CNTN4: variants seen among roughly 807,000 people sequenced by gnomAD.
CNTN4 encodes contactin-4.
Under a neutral mutation model 122.5 loss-of-function variants are expected in CNTN4, and 77 were observed. That is an observed-to-expected ratio of 0.63 (90% CI 0.52 to 0.76). The LOEUF is 0.76. Among genes scored for constraint, CNTN4 ranks in the 30% least tolerant of loss-of-function variants. The pLI is 0.00. For synonymous variants in CNTN4, 512 were observed against 447.0 expected, an observed-to-expected ratio of 1.15 and a Z score of -1.83; for missense variants, 1,256 against 1,259.1, an observed-to-expected ratio of 1.00 and a Z score of 0.04.
intron 15 of CNTN4, among the ~76,000 whole-genome samples, chr3:3,027,914 A>T (rs148268329): frequency 6.6e-6 from 1 of 152,164 alleles, no homozygotes; most frequent in Non-Finnish European, 1.5e-5. Context: ...TTCATCTTTC[A>T]TATGGAAAAT....
Position 2,801,524 on chromosome 3 carries a change from A to G in CNTN4, c.359-17962A>G, listed in dbSNP as rs1234239576. 3.9e-5 allele frequency among the ~76,000 whole-genome samples: 6 copies of G among 152,318 alleles called. No individual in the cohort carries two copies. The South Asian group carries it at 1.0e-3, about 26-fold the overall frequency. ...CAATTAAATAAGATAATTTTTCCCTATTATGCATCTTGGTAAAATAATGAA... is the reference window on the plus strand; with the variant it reads ...CAATTAAATAAGATAATTTTTCCCTGTTATGCATCTTGGTAAAATAATGAA... On this transcript the variant is annotated intron_variant, in intron 6 of 24. Transcript: ENST00000418658.
intron 4 of CNTN4, among the ~76,000 whole-genome samples, chr3:2,643,504 T>C (rs1342809489): frequency 1.3e-5 from 2 of 152,152 alleles, no homozygotes; most frequent in Non-Finnish European, 2.9e-5. Flanking sequence ...TTCACTAGTC[T>C]AGTGACTTGT....
At chr3:2,601,480 T>C (rs1479043911) in intron 4 of CNTN4, among the ~76,000 whole-genome samples, 1 of 152,210 alleles carries the variant, frequency 6.6e-6, no homozygotes, top group Non-Finnish European at 1.5e-5. Flanking sequence ...TTCCTTGTTT[T>C]TGTCAGGTTT....
intron 7 of CNTN4, among the ~76,000 whole-genome samples, chr3:2,852,224 G>A (rs1402918840): frequency 1.3e-5 from 2 of 152,134 alleles, no homozygotes; most frequent in Admixed American, 1.3e-4. Flanking sequence ...AAGTTTTAAT[G>A]AGTCACCTTT....
intron 2 of CNTN4, among the ~76,000 whole-genome samples, chr3:2,234,784 C>T (rs2039620001): frequency 1.3e-5 from 2 of 152,076 alleles, no homozygotes; most frequent in South Asian, 4.1e-4. Flanking sequence ...TTTTTCTCTT[C>T]TCTTTTTCTC....
chr3:2,415,305 G>A (rs2047373719), intron 3 of CNTN4, among the ~76,000 whole-genome samples: 1 of 152,094 alleles, frequency 6.6e-6, no homozygotes, highest in Admixed American at 6.6e-5. Context: ...GTTTGTAAAG[G>A]GCCCCATAAT....
chr3:2,627,773 G>T (rs544661577), intron 4 of CNTN4, among the ~76,000 whole-genome samples: 28 of 152,234 alleles, frequency 1.8e-4, no homozygotes, highest in African/African-American at 3.1e-4. Flanking sequence ...GATTACAGGC[G>T]TGAGCCACCG....
At chr3:2,583,360 A>T (rs1339066810) in intron 4 of CNTN4, among the ~76,000 whole-genome samples, 11 of 152,262 alleles carry the variant, frequency 7.2e-5, no homozygotes, top group African/African-American at 2.7e-4. Context: ...CAAAAAGATT[A>T]ATTCATTTGC....
chr3:2,793,294 G>A (rs763494858), intron 6 of CNTN4, among the ~76,000 whole-genome samples: 8 of 151,982 alleles, frequency 5.3e-5, no homozygotes, highest in Non-Finnish European at 1.2e-4. Flanking sequence ...TATTCATAAA[G>A]TCTATTAATC....
In CNTN4 at chr3:3,003,684, C is replaced by CAA. The variant is rs58290160; in HGVS notation, c.1486+15241_1486+15242dup. Among the ~76,000 whole-genome samples the CAA allele has an allele frequency of 3.6e-3, 275 of 76,946 alleles. 8 individuals carry two copies. The highest frequency in any genetic ancestry group is 0.01 in the Middle Eastern group (1 of 96). The allele number at this position is 76,946 out of a possible 152,430, so 50.5% of individuals were successfully genotyped here. A position where few individuals can be genotyped will look rare whatever the true frequency, so the allele number is the denominator to read the frequency against. On this transcript the variant is annotated intron_variant, in intron 14 of 24. Transcript: ENST00000418658. The stretch of plus-strand genomic sequence containing the variant: ...AATTAGATAGTAGTCATGGTTGCAC[C>CAA]AAAAAAAAAAAAAAAAAAAAAAAAA...
intron 7 of CNTN4, among the ~76,000 whole-genome samples, chr3:2,855,834 A>G (rs1231806375): frequency 1.3e-5 from 2 of 151,608 alleles, no homozygotes; most frequent in African/African-American, 4.9e-5. Flanking sequence ...TAGTAAACTC[A>G]GCAAAACTGC....
At chr3:2,465,550 G>A (rs1042017674) in intron 3 of CNTN4, among the ~76,000 whole-genome samples, 3 of 151,982 alleles carry the variant, frequency 2.0e-5, no homozygotes, top group Admixed American at 2.0e-4. Flanking sequence ...GGCAGCGTGC[G>A]CCTGTAGTCC....
At chr3:2,308,253 C>T (rs1379670214) in intron 2 of CNTN4, among the ~76,000 whole-genome samples, 1 of 151,518 alleles carries the variant, frequency 6.6e-6, no homozygotes, top group Non-Finnish European at 1.5e-5. Context: ...CTGTTGTTAT[C>T]CCCCCTTTTA....
In CNTN4 at chr3:2,432,157, A is replaced by G. The variant is rs564001442; in HGVS notation, c.-89+92924A>G. ...TGGCCCAAGTGAGTTTCAACTCACC[A>G]TCACCCACATTATTTGAGTAACTAA... On this transcript the variant is annotated intron_variant, in intron 3 of 24. Transcript: ENST00000418658. 8.5e-5 allele frequency among the ~76,000 whole-genome samples: 13 copies of G among 152,336 alleles called. No homozygotes were observed. The East Asian group carries it at 1.5e-3, about 18-fold the overall frequency.
intron 4 of CNTN4, among the ~76,000 whole-genome samples, chr3:2,735,037 T>C (rs2149483858): frequency 6.6e-6 from 1 of 152,348 alleles, no homozygotes; most frequent in Non-Finnish European, 1.5e-5. Context: ...GTGTTATATA[T>C]ACCACTGTAC....
chr3:2,840,156 C>G (rs1400400264), intron 7 of CNTN4, among the ~76,000 whole-genome samples: 1 of 152,124 alleles, frequency 6.6e-6, no homozygotes, highest in Non-Finnish European at 1.5e-5. Context: ...CAGCCAGATT[C>G]AGCTTACCAA....
intron 16 of CNTN4, among the ~76,000 whole-genome samples, chr3:3,033,089 C>G (rs1699313742): frequency 6.6e-6 from 1 of 152,058 alleles, no homozygotes; most frequent in African/African-American, 2.4e-5. Flanking sequence ...CAGAGGGAAA[C>G]ACTTTTCTAT....
chr3:2,672,756 A>G (rs2150391784), intron 4 of CNTN4, among the ~76,000 whole-genome samples: 1 of 152,298 alleles, frequency 6.6e-6, no homozygotes, highest in East Asian at 1.9e-4. Flanking sequence ...TTAAATATGC[A>G]ACTTTCCATT....
intron 2 of CNTN4, among the ~76,000 whole-genome samples, chr3:2,229,757 T>TA (rs988071365): frequency 6.6e-6 from 1 of 152,218 alleles, no homozygotes; most frequent in Non-Finnish European, 1.5e-5. Context: ...TTAATTGTCC[T>TA]AAAACCTGCT....
Sources: allele counts gnomAD v4.1 joint callset (sites outside exome capture counted in the v4.1 genomes callset), GRCh38; gene constraint gnomAD v4.1.1; transcripts MANE v1.5; gene names NCBI Gene and HGNC (gene_info 2026-07-23, HGNC 2026-07-21).